Variants in KLF8 observed in about 807,000 individuals in gnomAD.
The protein encoded by KLF8 is KLF transcription factor 8, also known as Krueppel-like factor 8.
KLF8 carries 10 observed loss-of-function variants against 18.2 expected under a neutral mutation model. The observed-to-expected ratio is 0.55, with a 90% CI of 0.34 to 0.93. The LOEUF (loss-of-function observed/expected upper bound fraction) is 0.93, where lower values mean the gene tolerates loss of function less well. Among genes scored for constraint, KLF8 ranks in the 40% least tolerant of loss-of-function variants. The pLI, the probability that KLF8 is intolerant of heterozygous loss-of-function variation, is 0.02. For synonymous variants in KLF8, 109 were observed against 97.3 expected, an observed-to-expected ratio of 1.12 and a Z score of -0.71; for missense variants, 264 against 277.9, an observed-to-expected ratio of 0.95 and a Z score of 0.36.
At chrX:56,140,446 G>T in the KLF8 span, among the ~76,000 whole-genome samples, 1 of 111,681 alleles carries the variant, frequency 9.0e-6, no homozygotes, top group Non-Finnish European at 1.9e-5. Flanking sequence ...ACAAGGTCAT[G>T]TACTTTGCAG....
chrX:56,176,180 G>T, the KLF8 span, among the ~76,000 whole-genome samples: 1 of 112,003 alleles, frequency 8.9e-6, no homozygotes, highest in Non-Finnish European at 1.9e-5. Flanking sequence ...ATTAGCTGAT[G>T]CAGTTTCTTC....
At chrX:55,970,299 T>C in the KLF8 span, among the ~76,000 whole-genome samples, 1 of 110,976 alleles carries the variant, frequency 9.0e-6, no homozygotes. Flanking sequence ...TGATACACTA[T>C]AGCAAAAGAA....
the KLF8 span, among the ~76,000 whole-genome samples, chrX:56,205,441 A>G: frequency 1.8e-5 from 2 of 111,697 alleles, no homozygotes; most frequent in Admixed American, 9.5e-5. Flanking sequence ...TCTATCCTTC[A>G]TTCTGTTGAT....
chrX:56,036,469 GT>G, the KLF8 span, among the ~76,000 whole-genome samples: 1 of 111,601 alleles, frequency 9.0e-6, no homozygotes, highest in Non-Finnish European at 1.9e-5. Context: ...TGGCATCTTT[GT>G]CAAAAATCAG....
chrX:56,030,832 G>A, the KLF8 span, among the ~76,000 whole-genome samples: 12 of 108,707 alleles, frequency 1.1e-4, no homozygotes, highest in Non-Finnish European at 1.7e-4. Flanking sequence ...TTCTGTCAGC[G>A]GGTGGAGTGA....
At chrX:56,077,648 C>T in the KLF8 span, among the ~76,000 whole-genome samples, 1 of 111,360 alleles carries the variant, frequency 9.0e-6, no homozygotes, top group Admixed American at 9.6e-5. Context: ...TCCATATGAA[C>T]GTTAAAGTAG....
chrX:55,986,490 A>T, the KLF8 span, among the ~76,000 whole-genome samples: 1 of 111,849 alleles, frequency 8.9e-6, no homozygotes, highest in Non-Finnish European at 1.9e-5. Context: ...CAAATTGATC[A>T]TGGTGGATAA....
intron 4 of KLF8, 65 bp from the exon 5 acceptor site, chrX:56,270,117 A>C: frequency 9.3e-7 from 1 of 1,071,756 alleles, no homozygotes; most frequent in Non-Finnish European, 1.3e-6. Flanking sequence ...CAATGAATGT[A>C]AATTCATTTT....
intron 1 of KLF8, among the ~76,000 whole-genome samples, chrX:56,246,944 C>G (rs2066629760): frequency 9.0e-6 from 1 of 111,421 alleles, no homozygotes; most frequent in Non-Finnish European, 1.9e-5. Context: ...TTCTGATAAT[C>G]AACAATAATA....
the KLF8 span, among the ~76,000 whole-genome samples, chrX:56,104,565 C>T: frequency 1.8e-5 from 2 of 111,046 alleles, no homozygotes; most frequent in Non-Finnish European, 3.8e-5. Context: ...GGTGATATTC[C>T]CTTTATCATT....
the KLF8 span, among the ~76,000 whole-genome samples, chrX:56,169,649 T>G: frequency 1.1e-4 from 12 of 111,600 alleles, no homozygotes; most frequent in African/African-American, 2.6e-4. Flanking sequence ...TCTTGTGTTA[T>G]GAGTGCCAGC....
chrX:56,253,764 C>CTTTTTTTTTTTTTTTTTCTTTTTTTT (rs60291877), intron 2 of KLF8, among the ~76,000 whole-genome samples: 1 of 60,115 alleles, frequency 1.7e-5, no homozygotes, highest in African/African-American at 7.2e-5. Context: ...TTTTCTTTTT[C>CTTTTTTTTTTTTTTTTTCTTTTTTTT]TTTTTTTTTT....
chrX:56,157,442 C>T, the KLF8 span, among the ~76,000 whole-genome samples: 1 of 110,786 alleles, frequency 9.0e-6, no homozygotes, highest in African/African-American at 3.3e-5. Flanking sequence ...ATTTCTAGTT[C>T]TAGATCCCTG....
the KLF8 span, among the ~76,000 whole-genome samples, chrX:55,976,961 T>G: frequency 8.9e-6 from 1 of 112,376 alleles, no homozygotes; most frequent in Non-Finnish European, 1.9e-5. Context: ...TTTTCTATGT[T>G]GATTTTGTAT....
At chrX:56,136,626 C>T in the KLF8 span, among the ~76,000 whole-genome samples, 11 of 111,022 alleles carry the variant, frequency 9.9e-5, no homozygotes, top group African/African-American at 1.6e-4. Flanking sequence ...AAGACTTAAA[C>T]GTTAGACCTA....
At chrX:55,943,032 G>A in the KLF8 span, among the ~76,000 whole-genome samples, 1 of 104,698 alleles carries the variant, frequency 9.6e-6, no homozygotes, top group East Asian at 3.0e-4. Flanking sequence ...TGTAGACAGT[G>A]TCAGAATCCA....
chrX:55,961,139 A>C, the KLF8 span: 1 of 181,700 alleles, frequency 5.5e-6, no homozygotes, highest in African/African-American at 3.0e-5. Context: ...AAGACTTAAC[A>C]ATTCTAAATA....
the KLF8 span, among the ~76,000 whole-genome samples, chrX:55,991,737 C>T: frequency 0.028 from 3,187 of 112,216 alleles, 132 homozygotes; most frequent in African/African-American, 0.098. Context: ...ATATTTATTC[C>T]CTTTCCTCTG....
the KLF8 span, among the ~76,000 whole-genome samples, chrX:56,144,708 G>A: frequency 0.51 from 49,910 of 97,357 alleles, 13,292 homozygotes; most frequent in Non-Finnish European, 0.72. Context: ...AGCCGAGATG[G>A]TGCCACTGCA....
Sources: allele counts gnomAD v4.1 joint callset (sites outside exome capture counted in the v4.1 genomes callset), GRCh38; gene constraint gnomAD v4.1.1; transcripts MANE v1.5; gene names NCBI Gene and HGNC (gene_info 2026-07-23, HGNC 2026-07-21).